The following ABCA9 variants were observed in gnomAD, a reference collection of about 807,000 sequenced individuals.
ABCA9 encodes ATP-binding cassette sub-family A member 9.
In ABCA9, 183 loss-of-function variants were observed where a neutral mutation model predicts 205.3. That is an observed-to-expected ratio of 0.89 (90% CI 0.79 to 1.01). ABCA9 has a LOEUF of 1.01. ABCA9 is among the 50% of genes least tolerant of loss of function. The pLI is 0.00. For synonymous variants in ABCA9, 651 were observed against 683.3 expected, an observed-to-expected ratio of 0.95 and a Z score of 0.74; for missense variants, 1,805 against 1,912.4, an observed-to-expected ratio of 0.94 and a Z score of 1.05.
At position 69,027,570 on chromosome 17, in the gene ABCA9, C is replaced by T. The variant is rs1567955565; in HGVS notation, c.1791+70G>A. ...AATTTAGATGAGGAATTATGTATAACTTAGCACAATATTTTCTAGATAAAC... is the reference window on the plus strand; with the variant it reads ...AATTTAGATGAGGAATTATGTATAATTTAGCACAATATTTTCTAGATAAAC... On this transcript the variant is annotated intron_variant, in intron 13 of 38. Transcript: ENST00000340001. 2.5e-6 allele frequency: 4 copies of T among 1,576,162 alleles called. No individual in the cohort carries two copies. The East Asian group carries it at 6.7e-5, about 27-fold the overall frequency.
chr17:68,979,884 C>G, intron 37 of ABCA9, among the ~76,000 whole-genome samples: 1 of 152,174 alleles, frequency 6.6e-6, no homozygotes, highest in Non-Finnish European at 1.5e-5. Flanking sequence ...GCAAGGACTT[C>G]AGGTCTAAAA....
chr17:69,041,440 A>C (rs1050773374), intron 6 of ABCA9, among the ~76,000 whole-genome samples: 8 of 152,238 alleles, frequency 5.3e-5, no homozygotes, highest in Non-Finnish European at 7.4e-5. Flanking sequence ...GTGGCGGCTC[A>C]CACCTGTAAT....
In ABCA9 at chr17:68,986,203, T is replaced by G; in HGVS notation, c.4169A>C (p.Lys1390Thr). 6.2e-7 allele frequency: 1 copy of G among 1,613,480 alleles called. No homozygotes were observed. The highest frequency in any genetic ancestry group is 8.5e-7 in the Non-Finnish European group (1 of 1,179,686). Reference sequence around the variant, plus strand: ...CATTGCGTCCCCTTTCCTGAGACCTTTCACGGCAGCGTACACCTCCAGGTG... The same window carrying G: ...CATTGCGTCCCCTTTCCTGAGACCTGTCACGGCAGCGTACACCTCCAGGTG... ...RQHLEVYAAV[K>T]GLRKGDAMIA... Residue 1390 changes from lysine to threonine, a missense_variant, in exon 32 of 39, where the codon AAA (lysine) becomes ACA (threonine). Transcript: ENST00000340001.
intron 5 of ABCA9, among the ~76,000 whole-genome samples, chr17:69,043,983 T>C (rs1000584099): frequency 3.2e-4 from 49 of 152,292 alleles, no homozygotes; most frequent in African/African-American, 1.2e-3. Context: ...TCCCTGATGT[T>C]TCTTATCAGA....
chr17:68,999,741 C>T (rs889354023), intron 25 of ABCA9, among the ~76,000 whole-genome samples: 2 of 152,140 alleles, frequency 1.3e-5, no homozygotes, highest in South Asian at 2.1e-4. Context: ...ATAGTCCCAC[C>T]AACAGTGTAA....
At chr17:69,078,226 A>G in the ABCA9 span, among the ~76,000 whole-genome samples, 14 of 58,278 alleles carry the variant, frequency 2.4e-4, no homozygotes, top group African/African-American at 5.7e-4. Flanking sequence ...TTTTTTTTTG[A>G]CAGAGTCTCA....
chr17:69,011,184 C>T (rs957209282), intron 23 of ABCA9, among the ~76,000 whole-genome samples: 5 of 151,934 alleles, frequency 3.3e-5, no homozygotes, highest in African/African-American at 4.8e-5. Context: ...ATTTTATAGA[C>T]GATCAAAATG....
chr17:69,070,817 G>A, the ABCA9 span, among the ~76,000 whole-genome samples: 9 of 152,158 alleles, frequency 5.9e-5, no homozygotes, highest in Admixed American at 2.6e-4. Flanking sequence ...CCTTCACAGA[G>A]CCCAGCAATG....
At chr17:69,016,962 G>T (rs1422642498) in intron 21 of ABCA9, among the ~76,000 whole-genome samples, 1 of 152,000 alleles carries the variant, frequency 6.6e-6, no homozygotes, top group Non-Finnish European at 1.5e-5. Flanking sequence ...ACACATTTTT[G>T]CAATCATAAA....
intron 31 of ABCA9, 25 bp from the exon 32 acceptor site, chr17:68,986,349 G>C (rs2069240032): frequency 9.4e-6 from 15 of 1,588,684 alleles, no homozygotes; most frequent in African/African-American, 1.3e-5. Flanking sequence ...TTCATTCTTA[G>C]ATTCTATCCC....
chr17:69,017,028 A>G (rs1307309090), intron 21 of ABCA9, among the ~76,000 whole-genome samples: 3 of 152,168 alleles, frequency 2.0e-5, no homozygotes, highest in Non-Finnish European at 4.4e-5. Context: ...TATTGATGTT[A>G]AAACTATTTT....
intron 28 of ABCA9, among the ~76,000 whole-genome samples, chr17:68,991,813 A>C (rs1034802848): frequency 4.6e-5 from 7 of 152,152 alleles, no homozygotes; most frequent in African/African-American, 1.7e-4. Flanking sequence ...TGGTGCCTTC[A>C]TCTCATCCTT....
At chr17:69,026,258 T>TA (rs1218752856) in intron 16 of ABCA9, 119 bp downstream of exon 16, 4 of 741,986 alleles carry the variant, frequency 5.4e-6, no homozygotes, top group Non-Finnish European at 9.0e-6. Flanking sequence ...AGTTCTACCA[T>TA]AGCTCCCTTG....
At chr17:69,005,781 G>A (rs755793093) in intron 25 of ABCA9, among the ~76,000 whole-genome samples, 3 of 151,960 alleles carry the variant, frequency 2.0e-5, no homozygotes, top group Non-Finnish European at 4.4e-5. Flanking sequence ...TTCTAGTTCT[G>A]AAACAGGTGA....
intron 25 of ABCA9, among the ~76,000 whole-genome samples, chr17:69,005,987 C>T (rs918379599): frequency 1.3e-5 from 2 of 152,200 alleles, no homozygotes; most frequent in East Asian, 3.8e-4. Context: ...CTAATTTCCT[C>T]ATTTTAAAAA....
chr17:69,028,640 C>T lies in ABCA9; in HGVS notation c.1510G>A (p.Val504Met), dbSNP rs756787936. The part of the protein sequence containing the change: ...CERVEALKGV[V>M]FDIYEGQITA... ...ATCTGGCCTTCATATATGTCAAACACCACACCTGGCATGATTTTAAAAAAA... is the reference window on the plus strand; with the variant it reads ...ATCTGGCCTTCATATATGTCAAACATCACACCTGGCATGATTTTAAAAAAA... The change falls in exon 12 of 39, where the codon GTG (valine) becomes ATG (methionine). Residue 504 changes from valine to methionine, a missense_variant. Val to Met is a conservative substitution (Grantham distance 21). Coordinates refer to ENST00000340001, the MANE Select transcript of ABCA9 (RefSeq NM_080283.4). 3.8e-6 allele frequency: 6 copies of T among 1,576,730 alleles called. No individual in the cohort carries two copies.
chr17:68,991,319 AG>A (rs1361480785), intron 28 of ABCA9, among the ~76,000 whole-genome samples: 2 of 152,148 alleles, frequency 1.3e-5, no homozygotes, highest in Non-Finnish European at 1.5e-5. Flanking sequence ...TGGAATTCTG[AG>A]GTCTTTGTGA....
chr17:69,042,049 T>A (rs150282318), intron 6 of ABCA9, among the ~76,000 whole-genome samples: 1 of 152,320 alleles, frequency 6.6e-6, no homozygotes, highest in African/African-American at 2.4e-5. Context: ...AATTCAAGAT[T>A]CAAGCCATTT....
In ABCA9 at chr17:69,036,414, G is replaced by A. The variant is rs117554944; in HGVS notation, c.801-613C>T. Among the ~76,000 whole-genome samples the A allele has an allele frequency of 1.3e-4, 20 of 151,844 alleles. No homozygotes were observed. The East Asian group carries it at 3.9e-3, about 29-fold the overall frequency. On this transcript the variant is annotated intron_variant, in intron 6 of 38. Transcript: ENST00000340001. ...TTCCCAAGCATTTATAAATGTAAAAGACATCTAGCCAAACTAAGCTTCATA... is the reference window on the plus strand; with the variant it reads ...TTCCCAAGCATTTATAAATGTAAAAAACATCTAGCCAAACTAAGCTTCATA...
Sources: gnomAD v4.1 joint callset for allele counts (sites outside exome capture counted in the v4.1 genomes callset) on GRCh38, gnomAD v4.1.1 for gene constraint, MANE v1.5 for transcripts, NCBI Gene and HGNC (gene_info 2026-07-23, HGNC 2026-07-21) for gene names.